Variants in PTPRO observed in about 807,000 individuals in gnomAD.
PTPRO encodes protein tyrosine phosphatase receptor type O.
PTPRO carries 62 observed loss-of-function variants against 145.2 expected under a neutral mutation model. That is an observed-to-expected ratio of 0.43 (90% CI 0.35 to 0.53). The LOEUF (loss-of-function observed/expected upper bound fraction) is 0.53, where lower values mean the gene tolerates loss of function less well. PTPRO is among the 20% of genes least tolerant of loss of function. PTPRO has a pLI of 0.01. For missense variants in PTPRO, 1,345 were observed against 1,482.7 expected (o/e 0.91, Z 1.53); for synonymous variants, 565 against 514.7 (o/e 1.10, Z -1.32).
intron 19 of PTPRO, among the ~76,000 whole-genome samples, chr12:15,576,371 T>C (rs1944185186): frequency 6.6e-6 from 1 of 152,210 alleles, no homozygotes; most frequent in African/African-American, 2.4e-5. Flanking sequence ...ACCTCTCTTA[T>C]CAACTTAGAG....
chr12:15,515,811 GA>G (rs1263899267), intron 8 of PTPRO, among the ~76,000 whole-genome samples, 193 bp downstream of exon 8: 1 of 151,838 alleles, frequency 6.6e-6, no homozygotes, highest in East Asian at 1.9e-4. Context: ...ATTACTTGGG[GA>G]AAAAATCAGA....
chr12:15,359,422 C>CATTT (rs1938102937), intron 1 of PTPRO, among the ~76,000 whole-genome samples: 1 of 112,516 alleles, frequency 8.9e-6, no homozygotes, highest in African/African-American at 3.4e-5. Flanking sequence ...TTTCTCTTTC[C>CATTT]TTTTTTTTTT....
chr12:15,531,253 T>C lies in PTPRO; in HGVS notation c.2164+4991T>C, dbSNP rs562784333. Among the ~76,000 whole-genome samples the C allele has an allele frequency of 1.4e-4, 22 of 152,252 alleles. No homozygotes were observed. The East Asian group carries it at 4.2e-3, about 29-fold the overall frequency. On this transcript the variant is annotated intron_variant, in intron 12 of 26. Coordinates refer to ENST00000281171, the MANE Select transcript of PTPRO (RefSeq NM_030667.3). ...CAAAGAAAGCCCAGGTCCTGATGGC[T>C]TGACCCCTGAATTTCACCAGACATT...
intron 1 of PTPRO, among the ~76,000 whole-genome samples, chr12:15,482,165 G>GTA (rs1257558252): frequency 5.7e-4 from 83 of 145,156 alleles, no homozygotes; most frequent in Admixed American, 2.0e-3. Context: ...GTGTGTGTGT[G>GTA]TGTATATATA....
chr12:15,432,162 C>T (rs1019818123), intron 1 of PTPRO, among the ~76,000 whole-genome samples: 1 of 152,140 alleles, frequency 6.6e-6, no homozygotes, highest in African/African-American at 2.4e-5. Context: ...TCACCCACCA[C>T]CCTGATGTAG....
chr12:15,397,927 G>A (rs920045144), intron 1 of PTPRO, among the ~76,000 whole-genome samples: 7 of 152,144 alleles, frequency 4.6e-5, no homozygotes, highest in Admixed American at 6.5e-5. Context: ...ATTACCATCT[G>A]CCTTGACCCA....
chr12:15,442,117 C>A (rs1940784330), intron 1 of PTPRO, among the ~76,000 whole-genome samples: 1 of 152,102 alleles, frequency 6.6e-6, no homozygotes, highest in African/African-American at 2.4e-5. Context: ...TGCTAGCATA[C>A]TGAATTCAGA....
intron 1 of PTPRO, among the ~76,000 whole-genome samples, chr12:15,371,565 A>G (rs1938531299): frequency 6.6e-6 from 1 of 152,182 alleles, no homozygotes; most frequent in African/African-American, 2.4e-5. Flanking sequence ...ACTGATTACA[A>G]TAAGATGATC....
chr12:15,566,551 C>A (rs182441731), intron 18 of PTPRO, among the ~76,000 whole-genome samples: 1 of 151,738 alleles, frequency 6.6e-6, no homozygotes. Context: ...GATGAAGTCT[C>A]GCTCTGTCAC....
chr12:15,361,176 G>A (rs113508146), intron 1 of PTPRO, among the ~76,000 whole-genome samples: 1,904 of 151,728 alleles, frequency 0.013, 43 homozygotes, highest in African/African-American at 0.043. Context: ...GGTGGCTCAC[G>A]TCTGTAATCC....
rs547995366 is a variant in PTPRO at position 15,427,974 on chromosome 12, G to A, written c.76-56000G>A. ...TATTAATATTTATAAATGAAGTATCGGTTTATCAATGTAGGTAACTACAGT... is the reference window on the plus strand; with the variant it reads ...TATTAATATTTATAAATGAAGTATCAGTTTATCAATGTAGGTAACTACAGT... On this transcript the variant is annotated intron_variant, in intron 1 of 26. Transcript: ENST00000281171. Among the ~76,000 whole-genome samples, 8 of 152,082 alleles carry A rather than the reference G, an allele frequency of 5.3e-5. No homozygotes were observed. In the East Asian group the frequency reaches 5.8e-4, roughly 11 times the overall value.
intron 5 of PTPRO, 85 bp from the exon 6 acceptor site, chr12:15,503,822 AT>A (rs989392139): frequency 4.8e-5 from 54 of 1,128,242 alleles, no homozygotes; most frequent in South Asian, 5.8e-5. Context: ...AAAACACCTA[AT>A]TTTTTTTCAT....
intron 10 of PTPRO, among the ~76,000 whole-genome samples, chr12:15,521,000 T>C (rs576130953): frequency 1.3e-4 from 20 of 152,298 alleles, no homozygotes; most frequent in Admixed American, 9.8e-4. Context: ...TTAAATTATG[T>C]AGTTGCATCA....
intron 2 of PTPRO, among the ~76,000 whole-genome samples, chr12:15,491,722 T>C (rs1407183081): frequency 6.6e-6 from 1 of 152,174 alleles, no homozygotes; most frequent in African/African-American, 2.4e-5. Context: ...CAGAAGCACA[T>C]TTCCAGACAC....
chr12:15,530,872 AG>A (rs1158120404), intron 12 of PTPRO, among the ~76,000 whole-genome samples: 11 of 152,130 alleles, frequency 7.2e-5, no homozygotes, highest in Admixed American at 7.2e-4. Flanking sequence ...AGAAATGTAA[AG>A]GTCAGAGCAG....
chr12:15,379,045 AAGT>A (rs1938773987), intron 1 of PTPRO, among the ~76,000 whole-genome samples: 1 of 152,176 alleles, frequency 6.6e-6, no homozygotes, highest in Non-Finnish European at 1.5e-5. Flanking sequence ...CCTGGTAATA[AAGT>A]AGAGAATTTA....
chr12:15,401,155 C>T (rs1157703185), intron 1 of PTPRO, among the ~76,000 whole-genome samples: 1 of 152,080 alleles, frequency 6.6e-6, no homozygotes, highest in African/African-American at 2.4e-5. Flanking sequence ...TCAAATATTG[C>T]CAGTCATGAC....
chr12:15,538,206 T>A (rs1311656513), intron 12 of PTPRO, among the ~76,000 whole-genome samples: 1 of 150,066 alleles, frequency 6.7e-6, no homozygotes, highest in African/African-American at 2.4e-5. Flanking sequence ...GTTTGTCAAC[T>A]GCCCAGAGGC....
intron 1 of PTPRO, among the ~76,000 whole-genome samples, chr12:15,343,497 G>C (rs1248650003): frequency 6.6e-6 from 1 of 151,944 alleles, no homozygotes. Flanking sequence ...GAATAGTTTG[G>C]GCAGTATGGC....
Sources: gnomAD v4.1 joint callset for allele counts (sites outside exome capture counted in the v4.1 genomes callset) on GRCh38, gnomAD v4.1.1 for gene constraint, MANE v1.5 for transcripts, NCBI Gene and HGNC (gene_info 2026-07-23, HGNC 2026-07-21) for gene names.